The following ERG variants were observed in gnomAD, a reference collection of about 807,000 sequenced individuals.
ERG encodes the protein transcriptional regulator ERG.
Under a neutral mutation model 55.3 loss-of-function variants are expected in ERG, and 9 were observed. The observed-to-expected ratio is 0.16, with a 90% CI of 0.10 to 0.28. ERG has a LOEUF of 0.28. Ranked by LOEUF, ERG falls within the 10% of genes least tolerant of loss-of-function variation. The pLI is 1.00. For synonymous variants in ERG, 223 were observed against 237.3 expected, an observed-to-expected ratio of 0.94 and a Z score of 0.55; for missense variants, 434 against 631.6, an observed-to-expected ratio of 0.69 and a Z score of 3.35.
rs975887639 is a variant in ERG, at chr21:38,382,069, A to C, written c.*1334T>G. The C allele has an allele frequency of 1.9e-6, 2 of 1,058,734 alleles. No individual in the cohort carries two copies. Among genetic ancestry groups the C allele is most frequent in the Non-Finnish European group, 2.3e-6 (2 of 874,928 alleles). 65.6% of individuals were successfully genotyped at this position (1,058,734 alleles called of 1,614,324 possible). On this transcript the variant is annotated 3_prime_UTR_variant, in exon 10 of 10. Transcript: ENST00000288319. ...AGGCCAAGCTTATTTTATTACATACATTCTGCATTCTAAGAACTAATAACT... is the reference window on the plus strand; with the variant it reads ...AGGCCAAGCTTATTTTATTACATACCTTCTGCATTCTAAGAACTAATAACT...
At chr21:38,617,564 G>A (rs2060266020) in intron 1 of ERG, among the ~76,000 whole-genome samples, 2 of 152,172 alleles carry the variant, frequency 1.3e-5, no homozygotes, top group South Asian at 2.1e-4. Flanking sequence ...TGTGTTTAAA[G>A]CATAAATAAA....
intron 3 of ERG, among the ~76,000 whole-genome samples, chr21:38,407,465 C>T (rs2836376): frequency 0.91 from 138,489 of 151,756 alleles, 63,285 homozygotes; most frequent in Non-Finnish European, 0.94. Context: ...TACAGCAAAA[C>T]GTGAACTGTT....
chr21:38,604,567 T>C (rs915280672), intron 1 of ERG, among the ~76,000 whole-genome samples: 1 of 152,274 alleles, frequency 6.6e-6, no homozygotes, highest in East Asian at 1.9e-4. Flanking sequence ...AGATTTATAA[T>C]AGACTTTTTA....
At chr21:38,563,937 C>T (rs1413688684) in intron 2 of ERG, among the ~76,000 whole-genome samples, 3 of 152,208 alleles carry the variant, frequency 2.0e-5, no homozygotes, top group Non-Finnish European at 2.9e-5. Context: ...AGTAAGGTAT[C>T]GGGAGAGAGT....
At chr21:38,370,118 A>G in the ERG span, among the ~76,000 whole-genome samples, 1 of 151,884 alleles carries the variant, frequency 6.6e-6, no homozygotes, top group Admixed American at 6.6e-5. Flanking sequence ...TTCATATCAG[A>G]CTTTTTAATG....
chr21:38,618,554 T>TG (rs1370917608), intron 1 of ERG, among the ~76,000 whole-genome samples: 11 of 152,064 alleles, frequency 7.2e-5, no homozygotes, highest in East Asian at 5.8e-4. Flanking sequence ...GCGGGGAGGT[T>TG]GGGGGGGAAC....
intron 1 of ERG, among the ~76,000 whole-genome samples, chr21:38,623,199 G>A (rs528449398): frequency 4.8e-5 from 7 of 145,948 alleles, no homozygotes; most frequent in South Asian, 4.4e-4. Flanking sequence ...CACACCACAT[G>A]CTCATAAATA....
At chr21:38,453,421 C>T (rs1464714281) in intron 1 of ERG, among the ~76,000 whole-genome samples, 1 of 152,200 alleles carries the variant, frequency 6.6e-6, no homozygotes, top group Non-Finnish European at 1.5e-5. Context: ...AGAATGTCAA[C>T]CAACATCATT....
In ERG at chr21:38,380,701, T is replaced by C. The variant is rs1416498196; in HGVS notation, c.*2702A>G. 9.4e-7 allele frequency: 1 copy of C among 1,064,932 alleles called. No homozygotes were observed. The highest frequency in any genetic ancestry group is 5.3e-5 in the Admixed American group (1 of 18,718). 66.0% of individuals were successfully genotyped at this position (1,064,932 alleles called of 1,614,324 possible). On this transcript the variant is annotated 3_prime_UTR_variant, in exon 10 of 10. Transcript: ENST00000288319. Reference sequence around the variant, plus strand: ...TATTTGAAGGAACTCAGTATTATCATGTTATCCAAAATTATCCCAGTTGCT... The same window carrying C: ...TATTTGAAGGAACTCAGTATTATCACGTTATCCAAAATTATCCCAGTTGCT...
chr21:38,511,598 T>C (rs1280073539), intron 2 of ERG, among the ~76,000 whole-genome samples: 1 of 152,236 alleles, frequency 6.6e-6, no homozygotes, highest in Non-Finnish European at 1.5e-5. Flanking sequence ...ATTCTGCCAA[T>C]GAAAATTCAC....
intron 1 of ERG, among the ~76,000 whole-genome samples, chr21:38,478,032 C>T (rs2059204946): frequency 6.6e-6 from 1 of 152,176 alleles, no homozygotes; most frequent in Non-Finnish European, 1.5e-5. Flanking sequence ...TCTCTTTTTC[C>T]AGTAGGTAAG....
chr21:38,583,988 C>G (rs112407597), intron 1 of ERG, among the ~76,000 whole-genome samples: 1 of 152,320 alleles, frequency 6.6e-6, no homozygotes, highest in Non-Finnish European at 1.5e-5. Context: ...GAGGGACTTA[C>G]GAAAGTCACT....
chr21:38,534,176 CT>C (rs2059692784), intron 2 of ERG, among the ~76,000 whole-genome samples: 1 of 152,172 alleles, frequency 6.6e-6, no homozygotes, highest in African/African-American at 2.4e-5. Context: ...CTGCTCTGAG[CT>C]TCATTCTCAG....
chr21:38,484,595 G>C (rs2059266679), intron 1 of ERG, among the ~76,000 whole-genome samples: 1 of 152,228 alleles, frequency 6.6e-6, no homozygotes, highest in Non-Finnish European at 1.5e-5. Context: ...CATGTCAGTT[G>C]AGCCACCAAA....
chr21:38,376,387 CT>C (rs531922622), downstream of ERG, among the ~76,000 whole-genome samples: 49 of 152,328 alleles, frequency 3.2e-4, no homozygotes, highest in African/African-American at 1.2e-3. Flanking sequence ...ACCACTTCCG[CT>C]CTCTTTCACA....
intron 6 of ERG, among the ~76,000 whole-genome samples, chr21:38,393,008 A>G (rs868726917): frequency 5.1e-4 from 78 of 152,306 alleles, no homozygotes; most frequent in African/African-American, 1.8e-3. Context: ...ATATTAAATC[A>G]GTCTTATCTG....
At chr21:38,512,134 T>C (rs1715162882) in intron 2 of ERG, among the ~76,000 whole-genome samples, 1 of 152,138 alleles carries the variant, frequency 6.6e-6, no homozygotes, top group South Asian at 2.1e-4. Flanking sequence ...CTGCCCATCC[T>C]AACCCACACA....
chr21:38,650,708 T>C (rs890467636), intron 1 of ERG, among the ~76,000 whole-genome samples: 3 of 152,146 alleles, frequency 2.0e-5, no homozygotes, highest in African/African-American at 7.2e-5. Context: ...ACGCATCACG[T>C]ATAGTACACA....
intron 1 of ERG, among the ~76,000 whole-genome samples, chr21:38,617,088 T>C (rs2146937020): frequency 6.6e-6 from 1 of 152,332 alleles, no homozygotes; most frequent in East Asian, 1.9e-4. Flanking sequence ...ACCCAACCTC[T>C]GAATGACCTC....
Sources: gnomAD v4.1 joint callset for allele counts (sites outside exome capture counted in the v4.1 genomes callset) on GRCh38, gnomAD v4.1.1 for gene constraint, MANE v1.5 for transcripts, NCBI Gene and HGNC (gene_info 2026-07-23, HGNC 2026-07-21) for gene names.